The following SLC37A2 variants were observed in gnomAD, a reference collection of about 807,000 sequenced individuals.
SLC37A2 encodes glucose-6-phosphate exchanger SLC37A2.
A neutral mutation model predicts 70.7 loss-of-function variants in SLC37A2; 59 were observed. The ratio of observed to expected loss-of-function variants is 0.83; its 90% CI spans 0.68 to 1.04. The LOEUF (loss-of-function observed/expected upper bound fraction) is 1.04. Ranked by LOEUF, SLC37A2 falls within the 50% of genes least tolerant of loss-of-function variation. The pLI is 0.00. For synonymous variants in SLC37A2, 257 were observed against 262.1 expected (o/e 0.98, Z 0.19); for missense variants, 580 against 658.1 (o/e 0.88, Z 1.30).
At chr11:125,088,027 AC>A in intron 17 of SLC37A2, 91 bp from the exon 18 acceptor site, 3 of 1,378,594 alleles carry the variant, frequency 2.2e-6, no homozygotes, top group Non-Finnish European at 3.0e-6. Flanking sequence ...TGATGAAGGG[AC>A]CCTGGGACCC....
At chr11:125,071,290 A>G (rs978244058) in intron 1 of SLC37A2, among the ~76,000 whole-genome samples, 5 of 152,118 alleles carry the variant, frequency 3.3e-5, no homozygotes, top group African/African-American at 1.2e-4. Flanking sequence ...CATCAGTGCT[A>G]TTTACACAAC....
In SLC37A2 at chr11:125,084,241, C is replaced by T. The variant is rs1436013037; in HGVS notation, c.1047C>T (p.Ile349=). ...LFDVGGIIGG[I]VAGLVSDYTN... ...AGTGGCTGTGTGTTCCAGGCGGCAT[C>T]GTGGCAGGGCTCGTCTCTGACTACA... The change falls in exon 12 of 18, where the codon ATC becomes ATT. Residue 349 remains isoleucine (I), a synonymous_variant. Coordinates refer to ENST00000403796, the MANE Select transcript of SLC37A2 (RefSeq NM_001145290.2). 10 of 1,614,062 alleles carry T rather than the reference C, an allele frequency of 6.2e-6. No individual in the cohort carries two copies. The highest frequency in any genetic ancestry group is 2.2e-5 in the East Asian group (1 of 44,896).
chr11:125,088,393 G>C lies in SLC37A2; in HGVS notation c.*259G>C. 4.0e-6 allele frequency: 2 copies of C among 498,532 alleles called. No individual in the cohort carries two copies. Among genetic ancestry groups the C allele is most frequent in the South Asian group, 6.6e-5 (2 of 30,226 alleles). 30.9% of individuals were successfully genotyped at this position (498,532 alleles called of 1,614,324 possible). On this transcript the variant is annotated 3_prime_UTR_variant, in exon 18 of 18. Transcript: ENST00000403796. ...GCAAAAGGGATGGGACTAGGGCTGAGTTGTGTCTCCATTTTGATAAGGAAA... is the reference window on the plus strand; with the variant it reads ...GCAAAAGGGATGGGACTAGGGCTGACTTGTGTCTCCATTTTGATAAGGAAA...
At chr11:125,076,732 A>G (rs753617224) in intron 1 of SLC37A2, 25 bp from the exon 2 acceptor site, 1 of 1,612,122 alleles carries the variant, frequency 6.2e-7, no homozygotes, top group East Asian at 2.2e-5. Flanking sequence ...CTTCCCACTA[A>G]CGCAGATGCT....
At chr11:125,069,411 C>T (rs142772075) in intron 1 of SLC37A2, among the ~76,000 whole-genome samples, 33 of 152,366 alleles carry the variant, frequency 2.2e-4, no homozygotes, top group African/African-American at 7.7e-4. Context: ...ATCTCCCAGG[C>T]TCAATTTCCT....
intron 8 of SLC37A2, 59 bp from the exon 9 acceptor site, chr11:125,081,695 C>A: frequency 6.6e-7 from 1 of 1,516,326 alleles, no homozygotes; most frequent in Non-Finnish European, 8.8e-7. Flanking sequence ...GCTGCACCTT[C>A]AGCTGGTGGG....
Position 125,085,380 on chromosome 11 carries a change from A to G in SLC37A2, c.1249-15A>G. 10 of 1,611,678 alleles carry G rather than the reference A, an allele frequency of 6.2e-6. No individual in the cohort carries two copies. Among genetic ancestry groups the G allele is most frequent in the South Asian group, 1.1e-5 (1 of 90,888 alleles). On this transcript the variant is annotated splice_polypyrimidine_tract_variant and intron_variant, in intron 14 of 17. Coordinates refer to ENST00000403796, the MANE Select transcript of SLC37A2 (RefSeq NM_001145290.2). ...CTGCTCAGCTGGGCTTCCCCACTCC[A>G]CTGTCTCTCTCCAGGGGACTCACAA...
rs770977827 is a variant in SLC37A2, at chr11:125,085,954, C to T, written c.1426C>T (p.Leu476Phe). The change falls in exon 17 of 18, where the codon CTC (leucine) becomes TTC (phenylalanine). Residue 476 changes from leucine (L) to phenylalanine (F), a missense_variant and splice_region_variant. Transcript: ENST00000403796. Reference sequence around the variant, plus strand: ...TCCCTCTGTGCCTTGTGCTCCACAGCTCCTTTGCCGGTTAGTATACAAAGA... The same window carrying T: ...TCCCTCTGTGCCTTGTGCTCCACAGTTCCTTTGCCGGTTAGTATACAAAGA... Reference protein sequence around the residue: ...LISADVLACLLLCRLVYKEIL... With the variant: ...LISADVLACLFLCRLVYKEIL... 1 of 1,614,074 alleles carries T rather than the reference C, an allele frequency of 6.2e-7. No individual in the cohort carries two copies.
chr11:125,079,397 C>G, intron 5 of SLC37A2, 150 bp downstream of exon 5: 1 of 1,050,764 alleles, frequency 9.5e-7, no homozygotes, highest in Non-Finnish European at 1.4e-6. Context: ...CCTGGCCCCA[C>G]TGCCCCCGCA....
intron 17 of SLC37A2, chr11:125,086,562 T>C (rs994767865): frequency 1.8e-5 from 7 of 397,118 alleles, no homozygotes; most frequent in Non-Finnish European, 3.3e-5. Context: ...GAGCTGCAAG[T>C]GCCTCCTGAA....
At chr11:125,085,518 G>A in intron 15 of SLC37A2, 45 bp downstream of exon 15, 1 of 1,613,184 alleles carries the variant, frequency 6.2e-7, no homozygotes, top group Admixed American at 1.7e-5. Flanking sequence ...TAGGCATAGT[G>A]CCCTCCGGTG....
chr11:125,063,525 C>A lies in SLC37A2; in HGVS notation c.59+99C>A. 1 of 1,146,884 alleles carries A rather than the reference C, an allele frequency of 8.7e-7. No individual in the cohort carries two copies. Among genetic ancestry groups the A allele is most frequent in the Non-Finnish European group, 1.2e-6 (1 of 813,792 alleles). 71.0% of individuals were successfully genotyped at this position (1,146,884 alleles called of 1,614,324 possible). A position where few individuals can be genotyped will look rare whatever the true frequency, so the allele number is the denominator to read the frequency against. ...GGAGATCACCCCAGATCGGCCCCGG[C>A]GTCGCCGCGTGGCCAGGGGTGCTGG... On this transcript the variant is annotated intron_variant, in intron 1 of 17. Coordinates refer to ENST00000403796, the MANE Select transcript of SLC37A2 (RefSeq NM_001145290.2). The surrounding 1 kb of genome is among the most constrained non-coding windows in gnomAD (Gnocchi z 5.4).
intron 1 of SLC37A2, among the ~76,000 whole-genome samples, chr11:125,075,334 C>A (rs1271874682): frequency 6.6e-6 from 1 of 152,202 alleles, no homozygotes; most frequent in Admixed American, 6.5e-5. Flanking sequence ...CAGGTGGAAC[C>A]CGGAAAACAT....
intron 1 of SLC37A2, among the ~76,000 whole-genome samples, chr11:125,071,450 C>T (rs1430988083): frequency 1.3e-5 from 2 of 152,228 alleles, no homozygotes. Flanking sequence ...CATTCAGGGT[C>T]CCCCACTCAG....
chr11:125,079,298 C>A (rs200335110), intron 5 of SLC37A2, 51 bp downstream of exon 5: 8 of 1,610,716 alleles, frequency 5.0e-6, no homozygotes, highest in Admixed American at 3.3e-5. Context: ...TCGGGAAGGA[C>A]CTGGGAGACC....
intron 1 of SLC37A2, among the ~76,000 whole-genome samples, chr11:125,069,328 G>A (rs188463256): frequency 2.0e-5 from 3 of 152,296 alleles, no homozygotes; most frequent in African/African-American, 4.8e-5. Context: ...TGGTCTTTCC[G>A]CTGCCTTCCT....
chr11:125,072,517 T>G (rs973341494), intron 1 of SLC37A2, among the ~76,000 whole-genome samples: 5 of 152,212 alleles, frequency 3.3e-5, no homozygotes, highest in Admixed American at 3.3e-4. Flanking sequence ...GCCCAGCCCC[T>G]GGGCTGCCAT....
At chr11:125,077,361 C>T in intron 3 of SLC37A2, 38 bp downstream of exon 3, 1 of 1,589,898 alleles carries the variant, frequency 6.3e-7, no homozygotes, top group Middle Eastern at 1.7e-4. Flanking sequence ...ATTCCCCATT[C>T]CCTCTTCCTC....
chr11:125,085,298 C>A (rs192317625), intron 14 of SLC37A2, 97 bp from the exon 15 acceptor site: 3 of 1,361,902 alleles, frequency 2.2e-6, no homozygotes, highest in African/African-American at 2.9e-5. Context: ...AAGCCCAAAC[C>A]CCAGTTACCA....
Sources: allele counts gnomAD v4.1 joint callset (sites outside exome capture counted in the v4.1 genomes callset), GRCh38; gene constraint gnomAD v4.1.1; non-coding constraint Gnocchi (gnomAD v3.1); transcripts MANE v1.5; gene names NCBI Gene and HGNC (gene_info 2026-07-23, HGNC 2026-07-21).